Variants in RAD18 observed in about 807,000 individuals in gnomAD.
RAD18 encodes the protein RAD18 E3 ubiquitin protein ligase.
A neutral mutation model predicts 60.4 loss-of-function variants in RAD18; 47 were observed. The ratio of observed to expected loss-of-function variants is 0.78; its 90% CI spans 0.62 to 0.99. RAD18 has a LOEUF of 0.99. Among genes scored for constraint, RAD18 ranks in the 50% least tolerant of loss-of-function variants. The probability of loss-of-function intolerance (pLI) is 0.00; values close to 1 mark genes in which losing one functional copy is unlikely to be tolerated. For synonymous variants in RAD18, 225 were observed against 195.5 expected, an observed-to-expected ratio of 1.15 and a Z score of -1.26; for missense variants, 640 against 593.3, an observed-to-expected ratio of 1.08 and a Z score of -0.82.
intron 2 of RAD18, among the ~76,000 whole-genome samples, chr3:8,953,246 A>G (rs1272088176): frequency 6.6e-6 from 1 of 150,740 alleles, no homozygotes; most frequent in Non-Finnish European, 1.5e-5. Flanking sequence ...GTACCTATAT[A>G]AGTATACATT....
intron 7 of RAD18, among the ~76,000 whole-genome samples, chr3:8,915,452 C>A (rs540035107): frequency 6.6e-6 from 1 of 152,096 alleles, no homozygotes; most frequent in Admixed American, 6.6e-5. Flanking sequence ...TTGGTACCAC[C>A]CTATCTCTGG....
rs755028336 is a variant in RAD18 at position 8,963,346 on chromosome 3, C to T, written c.40G>A (p.Ala14Thr). 102 of 1,610,064 alleles carry T rather than the reference C, an allele frequency of 6.3e-5. No individual in the cohort carries two copies. The highest frequency in any genetic ancestry group is 7.8e-5 in the Non-Finnish European group (92 of 1,178,234). ...LAESRWPPGLAVMKTIDDLLR... is the reference protein window; with the variant it reads ...LAESRWPPGLTVMKTIDDLLR... ...CCCGAAGCACTCACCTTCATGACTG[C>T]CAGGCCCGGAGGCCACCGAGACTCG... Residue 14 changes from alanine to threonine, a missense_variant, in exon 1 of 13, where the codon GCA becomes ACA. Transcript: ENST00000264926.
intron 3 of RAD18, among the ~76,000 whole-genome samples, chr3:8,947,923 C>A (rs1465480551): frequency 6.6e-6 from 1 of 152,180 alleles, no homozygotes; most frequent in Non-Finnish European, 1.5e-5. Context: ...CAAAACTAAC[C>A]AAACTCCTTA....
intron 4 of RAD18, among the ~76,000 whole-genome samples, chr3:8,943,341 A>AC (rs2124832041): frequency 6.6e-6 from 1 of 151,724 alleles, no homozygotes; most frequent in East Asian, 1.9e-4. Context: ...TTAAAGAAAA[A>AC]AAAAGAAAAG....
Position 8,934,231 on chromosome 3 carries a change from G to A in RAD18, c.889+1640C>T, listed in dbSNP as rs566339835. 2.7e-5 allele frequency among the ~76,000 whole-genome samples: 4 copies of A among 146,270 alleles called. No homozygotes were observed. In the South Asian group the frequency reaches 6.2e-4, roughly 23 times the overall value. ...AGAAGATCCACATGATCTTGAAGTAGGCTAAGGCAAAGCACTGATCAAAAG... is the reference window on the plus strand; with the variant it reads ...AGAAGATCCACATGATCTTGAAGTAAGCTAAGGCAAAGCACTGATCAAAAG... On this transcript the variant is annotated intron_variant, in intron 7 of 12. Coordinates refer to ENST00000264926, the MANE Select transcript of RAD18 (RefSeq NM_020165.4).
chr3:8,928,696 T>G (rs1457237189), intron 7 of RAD18, among the ~76,000 whole-genome samples: 6 of 152,166 alleles, frequency 3.9e-5, no homozygotes, highest in Non-Finnish European at 7.4e-5. Flanking sequence ...TTCTCAGTAA[T>G]TGATAGAATC....
At chr3:8,962,114 G>A (rs1429554689) in intron 1 of RAD18, among the ~76,000 whole-genome samples, 1 of 152,208 alleles carries the variant, frequency 6.6e-6, no homozygotes, top group Non-Finnish European at 1.5e-5. Flanking sequence ...ATACACAGCA[G>A]AATCTGTGCC....
chr3:8,952,605 A>G (rs1417443791), intron 2 of RAD18, among the ~76,000 whole-genome samples: 1 of 152,238 alleles, frequency 6.6e-6, no homozygotes, highest in Non-Finnish European at 1.5e-5. Flanking sequence ...TATGAAACTG[A>G]CATTTTTGGT....
At chr3:8,907,368 ATAC>A (rs1382990375) in intron 9 of RAD18, among the ~76,000 whole-genome samples, 4 of 152,220 alleles carry the variant, frequency 2.6e-5, no homozygotes, top group Non-Finnish European at 5.9e-5. Flanking sequence ...TGATAATGTG[ATAC>A]ATATCAACAG....
At chr3:8,945,046 T>G (rs1332967097) in intron 4 of RAD18, among the ~76,000 whole-genome samples, 1 of 152,248 alleles carries the variant, frequency 6.6e-6, no homozygotes, top group African/African-American at 2.4e-5. Context: ...GACAACGATT[T>G]ATATAGCATT....
chr3:8,945,315 AG>A (rs1282533025), intron 4 of RAD18, among the ~76,000 whole-genome samples: 1 of 152,208 alleles, frequency 6.6e-6, no homozygotes, highest in Non-Finnish European at 1.5e-5. Context: ...GGTACCTCAT[AG>A]AATGTTCCAA....
At chr3:8,956,307 G>A (rs1463722822) in intron 2 of RAD18, among the ~76,000 whole-genome samples, 1 of 152,204 alleles carries the variant, frequency 6.6e-6, no homozygotes, top group Non-Finnish European at 1.5e-5. Context: ...CTGCAACACA[G>A]TGACAATTAC....
At chr3:8,954,238 T>G (rs11705794) in intron 2 of RAD18, among the ~76,000 whole-genome samples, 14,076 of 152,300 alleles carry the variant, frequency 0.092, 705 homozygotes, top group South Asian at 0.15. Flanking sequence ...TCACACTGGT[T>G]TTTGCTTTTA....
chr3:8,894,223 A>G (rs1167917702), intron 11 of RAD18, among the ~76,000 whole-genome samples: 1 of 152,218 alleles, frequency 6.6e-6, no homozygotes, highest in African/African-American at 2.4e-5. Context: ...TGTCGCACAA[A>G]CATCAACACA....
rs1011667329 is a variant in RAD18, at chr3:8,881,299, G to A, written c.*58C>T. ...ATTTATAAATAGAAAATCTATCTGT[G>A]GCAACCAAAAGTACGGTATTCTAAT... On this transcript the variant is annotated 3_prime_UTR_variant, in exon 13 of 13. Coordinates refer to ENST00000264926, the MANE Select transcript of RAD18 (RefSeq NM_020165.4). The A allele has an allele frequency of 2.2e-6, 3 of 1,353,436 alleles. No individual in the cohort carries two copies. In the African/African-American group the frequency reaches 4.4e-5, roughly 20 times the overall value. 83.8% of individuals were successfully genotyped at this position (1,353,436 alleles called of 1,614,324 possible). A position where few individuals can be genotyped will look rare whatever the true frequency, so the allele number is the denominator to read the frequency against.
intron 1 of RAD18, 41 bp downstream of exon 1, chr3:8,963,294 C>T: frequency 6.4e-7 from 1 of 1,572,708 alleles, no homozygotes; most frequent in Non-Finnish European, 8.7e-7. Context: ...GACCTCCCCC[C>T]GCAGACACCC....
chr3:8,918,818 G>T (rs576410753), intron 7 of RAD18, among the ~76,000 whole-genome samples: 1 of 152,334 alleles, frequency 6.6e-6, no homozygotes, highest in Admixed American at 6.5e-5. Context: ...CAAGTGGGGA[G>T]CATGGACTTC....
chr3:8,916,811 A>C (rs1390204582), intron 7 of RAD18, among the ~76,000 whole-genome samples: 1 of 152,120 alleles, frequency 6.6e-6, no homozygotes, highest in African/African-American at 2.4e-5. Context: ...AAAAAAAGGA[A>C]AAAGAAAAAA....
At chr3:8,885,579 C>T (rs902913346) in intron 12 of RAD18, among the ~76,000 whole-genome samples, 1 of 152,144 alleles carries the variant, frequency 6.6e-6, no homozygotes, top group African/African-American at 2.4e-5. Context: ...TAAATGATTA[C>T]AGCCAGAAAG....
Sources: allele counts gnomAD v4.1 joint callset (sites outside exome capture counted in the v4.1 genomes callset), GRCh38; gene constraint gnomAD v4.1.1; transcripts MANE v1.5; gene names NCBI Gene and HGNC (gene_info 2026-07-23, HGNC 2026-07-21).